The following DLG2 variants were observed in gnomAD, a reference collection of about 807,000 sequenced individuals.
DLG2 encodes disks large homolog 2.
DLG2 carries 45 observed loss-of-function variants against 132.5 expected under a neutral mutation model. The observed-to-expected ratio is 0.34, with a 90% CI of 0.27 to 0.44. The LOEUF is 0.44. Among genes scored for constraint, DLG2 ranks in the 20% least tolerant of loss-of-function variants. The probability of loss-of-function intolerance (pLI) is 1.00; values close to 1 mark genes in which losing one functional copy is unlikely to be tolerated. For synonymous variants in DLG2, 424 were observed against 419.6 expected (o/e 1.01, Z -0.13); for missense variants, 1,045 against 1,196.9 (o/e 0.87, Z 1.87).
chr11:83,745,110 C>T (rs953349412), intron 18 of DLG2, among the ~76,000 whole-genome samples: 16 of 152,154 alleles, frequency 1.1e-4, no homozygotes, highest in African/African-American at 1.7e-4. Flanking sequence ...TCCCATGCAT[C>T]GCGATCAACT....
intron 6 of DLG2, among the ~76,000 whole-genome samples, chr11:84,737,020 T>C (rs1389135540): frequency 6.6e-6 from 1 of 151,996 alleles, no homozygotes; most frequent in Admixed American, 6.6e-5. Flanking sequence ...TTTCTTATCA[T>C]GTTGAAGAAA....
At chr11:85,331,026 T>C (rs932784165) in intron 3 of DLG2, among the ~76,000 whole-genome samples, 2 of 152,120 alleles carry the variant, frequency 1.3e-5, no homozygotes, top group African/African-American at 4.8e-5. Flanking sequence ...GGCACGAAGC[T>C]CATCTGTATT....
rs10466722 is a variant in DLG2, at chr11:84,598,095, A to G, written c.358-63364T>C. ...ATCCAAAGTTGCAGAGTAACAAGCT[A>G]AGATAAGGTTTGGGGAGTACTGTAC... On this transcript the variant is annotated intron_variant, in intron 6 of 27. Transcript: ENST00000376104. Among the ~76,000 whole-genome samples the G allele has an allele frequency of 1.7e-3, 263 of 152,308 alleles. 2 individuals carry two copies. The highest frequency in any genetic ancestry group is 6.1e-3 in the African/African-American group (254 of 41,554).
intron 6 of DLG2, among the ~76,000 whole-genome samples, chr11:85,096,746 C>G (rs1161967899): frequency 6.6e-6 from 1 of 152,168 alleles, no homozygotes; most frequent in Non-Finnish European, 1.5e-5. Flanking sequence ...TACCATCAGA[C>G]CCTTTTCGCT....
chr11:84,367,396 A>G (rs2098688474), intron 7 of DLG2, among the ~76,000 whole-genome samples: 1 of 152,082 alleles, frequency 6.6e-6, no homozygotes, highest in African/African-American at 2.4e-5. Context: ...ATTTACAAAA[A>G]CCAGCACTGG....
chr11:83,978,095 C>T (rs929723689), intron 12 of DLG2, among the ~76,000 whole-genome samples: 3 of 151,368 alleles, frequency 2.0e-5, no homozygotes, highest in South Asian at 2.1e-4. Flanking sequence ...ATTATATCTA[C>T]GATGAATATC....
At chr11:84,203,503 A>T (rs1307501953) in intron 8 of DLG2, among the ~76,000 whole-genome samples, 1 of 138,618 alleles carries the variant, frequency 7.2e-6, no homozygotes, top group Non-Finnish European at 1.5e-5. Flanking sequence ...AATGGCGTGA[A>T]CCCGGGAGGC....
At chr11:83,964,385 A>G (rs1032894382) in intron 13 of DLG2, among the ~76,000 whole-genome samples, 3 of 152,058 alleles carry the variant, frequency 2.0e-5, no homozygotes, top group Non-Finnish European at 2.9e-5. Context: ...AAGAAAAGCA[A>G]TAGCTAATGC....
At chr11:84,932,848 A>G (rs2048265803) in intron 6 of DLG2, among the ~76,000 whole-genome samples, 1 of 152,176 alleles carries the variant, frequency 6.6e-6, no homozygotes, top group African/African-American at 2.4e-5. Flanking sequence ...TTATAGTAGA[A>G]TGATTTATAT....
chr11:84,953,535 G>A (rs2051228710), intron 6 of DLG2, among the ~76,000 whole-genome samples: 1 of 151,940 alleles, frequency 6.6e-6, no homozygotes, highest in South Asian at 2.1e-4. Flanking sequence ...TTTTAGCTTT[G>A]TAACTATGGA....
At chr11:85,016,328 A>G (rs1566654434) in intron 6 of DLG2, among the ~76,000 whole-genome samples, 2 of 152,074 alleles carry the variant, frequency 1.3e-5, no homozygotes, top group Non-Finnish European at 2.9e-5. Context: ...TCCTATCTTA[A>G]TGGTTATTCA....
intron 3 of DLG2, among the ~76,000 whole-genome samples, chr11:85,472,415 C>A (rs975727668): frequency 1.3e-5 from 2 of 152,180 alleles, no homozygotes; most frequent in Non-Finnish European, 2.9e-5. Context: ...GATTCTCCTG[C>A]CTCAGCCTCC....
chr11:83,663,096 GCTAT>G (rs767538124), intron 18 of DLG2, among the ~76,000 whole-genome samples: 1 of 152,044 alleles, frequency 6.6e-6, no homozygotes, highest in East Asian at 1.9e-4. Context: ...TAATAAAGGT[GCTAT>G]CTATTTTCCT....
At chr11:84,903,557 A>G (rs1437803476) in intron 6 of DLG2, among the ~76,000 whole-genome samples, 2 of 152,178 alleles carry the variant, frequency 1.3e-5, no homozygotes, top group Non-Finnish European at 2.9e-5. Context: ...GGCATTGTTC[A>G]CAAACTTAGT....
chr11:85,610,781 A>AGGG (rs1179701077), intron 2 of DLG2, among the ~76,000 whole-genome samples: 4 of 152,248 alleles, frequency 2.6e-5, no homozygotes, highest in African/African-American at 9.6e-5. Context: ...TCTTAGCCAG[A>AGGG]GGGGCCAGGG....
intron 4 of DLG2, among the ~76,000 whole-genome samples, chr11:85,257,494 G>A (rs1225013851): frequency 6.6e-6 from 1 of 152,178 alleles, no homozygotes; most frequent in Non-Finnish European, 1.5e-5. Flanking sequence ...AGGTATGTCT[G>A]TGAAAAATGT....
chr11:85,219,206 AC>A (rs2082841622), intron 4 of DLG2, among the ~76,000 whole-genome samples: 1 of 152,112 alleles, frequency 6.6e-6, no homozygotes, highest in Non-Finnish European at 1.5e-5. Context: ...CTGCACATGT[AC>A]CCCCTGTATC....
At chr11:85,124,231 T>C (rs895710392) in intron 5 of DLG2, among the ~76,000 whole-genome samples, 17 of 152,252 alleles carry the variant, frequency 1.1e-4, no homozygotes, top group African/African-American at 4.1e-4. Context: ...GTGATCCTCT[T>C]AGATCTTCTT....
intron 3 of DLG2, among the ~76,000 whole-genome samples, chr11:85,420,787 C>T (rs1185748295): frequency 6.6e-6 from 1 of 152,130 alleles, no homozygotes; most frequent in East Asian, 1.9e-4. Context: ...CCCCTCCCCC[C>T]ACCAAGCTCG....
Sources: allele counts gnomAD v4.1 joint callset (sites outside exome capture counted in the v4.1 genomes callset), GRCh38; gene constraint gnomAD v4.1.1; transcripts MANE v1.5; gene names NCBI Gene and HGNC (gene_info 2026-07-23, HGNC 2026-07-21).